Variants in RHOJ observed in about 807,000 individuals in gnomAD.
The protein encoded by RHOJ is rho-related GTP-binding protein RhoJ.
In RHOJ, 11 loss-of-function variants were observed where a neutral mutation model predicts 23.4. That is an observed-to-expected ratio of 0.47 (90% CI 0.30 to 0.78). The LOEUF (loss-of-function observed/expected upper bound fraction) is 0.78, where lower values mean the gene tolerates loss of function less well. Ranked by LOEUF, RHOJ falls within the 30% of genes least tolerant of loss-of-function variation. The pLI is 0.08. For missense variants in RHOJ, 254 were observed against 273.4 expected, an observed-to-expected ratio of 0.93 and a Z score of 0.50; for synonymous variants, 102 against 102.7, an observed-to-expected ratio of 0.99 and a Z score of 0.04.
chr14:63,274,408 T>A (rs1490563809), intron 2 of RHOJ, among the ~76,000 whole-genome samples: 1 of 152,140 alleles, frequency 6.6e-6, no homozygotes, highest in Non-Finnish European at 1.5e-5. Flanking sequence ...GGACACAATC[T>A]TACTTCTCCC....
intron 1 of RHOJ, among the ~76,000 whole-genome samples, chr14:63,268,211 T>C (rs907422618): frequency 2.0e-4 from 30 of 152,224 alleles, no homozygotes; most frequent in Non-Finnish European, 4.4e-5. Flanking sequence ...AAAAAGCGAT[T>C]CAATTTTTTT....
chr14:63,215,396 G>A (rs1300220668), intron 1 of RHOJ, among the ~76,000 whole-genome samples: 1 of 152,138 alleles, frequency 6.6e-6, no homozygotes, highest in Non-Finnish European at 1.5e-5. Context: ...AATCCAGATT[G>A]CCAACAAGAG....
At chr14:63,256,724 G>A (rs1163570876) in intron 1 of RHOJ, among the ~76,000 whole-genome samples, 1 of 152,164 alleles carries the variant, frequency 6.6e-6, no homozygotes, top group African/African-American at 2.4e-5. Context: ...CAGATCACGA[G>A]GTCGGGAGTT....
At chr14:63,237,069 A>G (rs539854028) in intron 1 of RHOJ, among the ~76,000 whole-genome samples, 1 of 152,212 alleles carries the variant, frequency 6.6e-6, no homozygotes, top group East Asian at 1.9e-4. Context: ...AATATTTTTG[A>G]TCCTTGGTTG....
chr14:63,208,799 A>G (rs542804039), intron 1 of RHOJ, among the ~76,000 whole-genome samples: 33 of 152,208 alleles, frequency 2.2e-4, no homozygotes, highest in African/African-American at 7.5e-4. Flanking sequence ...GATAACGGCA[A>G]AACTTGTAGC....
At chr14:63,257,558 C>A (rs1025307153) in intron 1 of RHOJ, among the ~76,000 whole-genome samples, 1 of 150,204 alleles carries the variant, frequency 6.7e-6, no homozygotes, top group East Asian at 2.1e-4. Flanking sequence ...GGAAACCAGA[C>A]TGAACCAGCC....
chr14:63,232,832 G>A (rs1239468147), intron 1 of RHOJ, among the ~76,000 whole-genome samples: 1 of 151,586 alleles, frequency 6.6e-6, no homozygotes, highest in Non-Finnish European at 1.5e-5. Context: ...AAGTAGCTGG[G>A]ACCATAGGCA....
rs1882262707 is a variant in RHOJ at position 63,291,796 on chromosome 14, T to G, written c.*772T>G. On this transcript the variant is annotated 3_prime_UTR_variant, in exon 5 of 5. Transcript: ENST00000316754. The stretch of plus-strand genomic sequence containing the variant: ...CTATAGATGCTTAGTAGTGGCCTGA[T>G]TTTTTTCCATGTATTGCCACGACAA... 1 of 152,794 alleles carries G rather than the reference T, an allele frequency of 6.5e-6. No individual in the cohort carries two copies. The highest frequency in any genetic ancestry group is 2.4e-5 in the African/African-American group (1 of 41,460). 9.5% of individuals were successfully genotyped at this position (152,794 alleles called of 1,614,324 possible).
At chr14:63,253,209 C>G (rs542528631) in intron 1 of RHOJ, among the ~76,000 whole-genome samples, 6 of 152,314 alleles carry the variant, frequency 3.9e-5, no homozygotes, top group Admixed American at 6.5e-5. Context: ...CACATGCCAA[C>G]TCCTAGTTCC....
chr14:63,222,572 C>G (rs923958044), intron 1 of RHOJ, among the ~76,000 whole-genome samples: 21 of 152,152 alleles, frequency 1.4e-4, no homozygotes, highest in Non-Finnish European at 2.5e-4. Flanking sequence ...TCTCTGATGG[C>G]CAGTGATGAT....
At chr14:63,239,443 A>G (rs1176830179) in intron 1 of RHOJ, among the ~76,000 whole-genome samples, 1 of 152,230 alleles carries the variant, frequency 6.6e-6, no homozygotes, top group African/African-American at 2.4e-5. Context: ...AATTGAAATG[A>G]GCATTCAGAC....
chr14:63,245,703 T>G, intron 1 of RHOJ, among the ~76,000 whole-genome samples: 1 of 152,096 alleles, frequency 6.6e-6, no homozygotes, highest in East Asian at 1.9e-4. Context: ...ACAAATCTGA[T>G]CTTAGACCAA....
chr14:63,231,246 T>G (rs553505522), intron 1 of RHOJ, among the ~76,000 whole-genome samples: 1 of 152,270 alleles, frequency 6.6e-6, no homozygotes, highest in African/African-American at 2.4e-5. Flanking sequence ...AACAATGATT[T>G]GTATCCATCC....
intron 4 of RHOJ, among the ~76,000 whole-genome samples, chr14:63,285,544 G>T (rs1182833659): frequency 6.6e-6 from 1 of 151,964 alleles, no homozygotes; most frequent in Non-Finnish European, 1.5e-5. Context: ...ATTTTCAAAG[G>T]ACATTTTTAT....
chr14:63,226,100 G>A (rs1157305520), intron 1 of RHOJ, among the ~76,000 whole-genome samples: 1 of 151,956 alleles, frequency 6.6e-6, no homozygotes, highest in East Asian at 1.9e-4. Flanking sequence ...ATCAATTTTT[G>A]AAAGAAACTA....
At chr14:63,240,166 G>A (rs1410593031) in intron 1 of RHOJ, among the ~76,000 whole-genome samples, 1 of 152,216 alleles carries the variant, frequency 6.6e-6, no homozygotes, top group East Asian at 1.9e-4. Context: ...AGCAAAGGCT[G>A]AGAGGTAATT....
intron 1 of RHOJ, among the ~76,000 whole-genome samples, chr14:63,262,552 C>T (rs1020765302): frequency 6.6e-6 from 1 of 152,178 alleles, no homozygotes; most frequent in Non-Finnish European, 1.5e-5. Context: ...TCTTTAAAAC[C>T]TCTCTAAGCT....
chr14:63,261,791 T>G (rs1322057285), intron 1 of RHOJ, among the ~76,000 whole-genome samples: 2 of 152,168 alleles, frequency 1.3e-5, no homozygotes, highest in South Asian at 2.1e-4. Flanking sequence ...AAATGCTCTT[T>G]GAACAAGATT....
chr14:63,246,723 T>C (rs1894981905), intron 1 of RHOJ, among the ~76,000 whole-genome samples: 1 of 152,170 alleles, frequency 6.6e-6, no homozygotes, highest in Non-Finnish European at 1.5e-5. Flanking sequence ...GGTAACAGTA[T>C]GTAGAGTAAG....
Sources: gnomAD v4.1 joint callset for allele counts (sites outside exome capture counted in the v4.1 genomes callset) on GRCh38, gnomAD v4.1.1 for gene constraint, MANE v1.5 for transcripts, NCBI Gene and HGNC (gene_info 2026-07-23, HGNC 2026-07-21) for gene names.